Variants in GLIS3 observed in about 807,000 individuals in gnomAD.
The protein encoded by GLIS3 is GLIS family zinc finger 3.
In GLIS3, 53 loss-of-function variants were observed where a neutral mutation model predicts 78.6. The ratio of observed to expected loss-of-function variants is 0.67; its 90% CI spans 0.54 to 0.85. The LOEUF is 0.85. Ranked by LOEUF, GLIS3 falls within the 40% of genes least tolerant of loss-of-function variation. The probability of loss-of-function intolerance (pLI) is 0.00; values close to 1 mark genes in which losing one functional copy is unlikely to be tolerated. For synonymous variants in GLIS3, 684 were observed against 509.9 expected (o/e 1.34, Z -4.60); for missense variants, 1,703 against 1,231.1 (o/e 1.38, Z -5.74).
At chr9:4,288,183 G>C (rs951328080) in intron 1 of GLIS3, among the ~76,000 whole-genome samples, 4 of 152,124 alleles carry the variant, frequency 2.6e-5, no homozygotes, top group African/African-American at 9.7e-5. Flanking sequence ...CCATTCATTG[G>C]TAGATCATGA....
At chr9:4,123,349 C>T (rs558128166) in intron 3 of GLIS3, among the ~76,000 whole-genome samples, 1 of 152,198 alleles carries the variant, frequency 6.6e-6, no homozygotes, top group Admixed American at 6.6e-5. Flanking sequence ...TGAGTTCCTG[C>T]AGTACAGTTT....
At chr9:4,470,117 C>T in the GLIS3 span, among the ~76,000 whole-genome samples, 5 of 151,996 alleles carry the variant, frequency 3.3e-5, no homozygotes, top group African/African-American at 1.2e-4. Context: ...AATTAATAAC[C>T]CACCAACCAA....
intron 4 of GLIS3, among the ~76,000 whole-genome samples, chr9:4,094,605 T>A (rs375813998): frequency 2.0e-5 from 3 of 152,214 alleles, no homozygotes; most frequent in African/African-American, 4.8e-5. Flanking sequence ...ATGAAAGTCA[T>A]AAAACCTGTA....
rs560352130 is a variant in GLIS3, at chr9:4,252,388, T to G, written c.388+33650A>C. 1.5e-3 allele frequency among the ~76,000 whole-genome samples: 225 copies of G among 152,248 alleles called. 1 individual carries two copies. The highest frequency in any genetic ancestry group is 5.1e-3 in the African/African-American group (214 of 41,560). ...TAATCTCTGACATCCTTTCTTCCGC[T>G]TGATCAATTCAGCCACTGATACGTG... On this transcript the variant is annotated intron_variant, in intron 2 of 10. Transcript: ENST00000381971.
the GLIS3 span, among the ~76,000 whole-genome samples, chr9:4,447,123 C>T: frequency 6.6e-6 from 1 of 152,068 alleles, no homozygotes; most frequent in Non-Finnish European, 1.5e-5. Context: ...TCGCAGCTCA[C>T]TGCAGCATCA....
intron 2 of GLIS3, among the ~76,000 whole-genome samples, chr9:4,193,197 G>A (rs1016074811): frequency 6.6e-6 from 1 of 152,200 alleles, no homozygotes; most frequent in Non-Finnish European, 1.5e-5. Context: ...ATGGCCCTAT[G>A]GGCTAAGAAT....
the GLIS3 span, among the ~76,000 whole-genome samples, chr9:4,380,760 C>A: frequency 3.3e-5 from 5 of 152,088 alleles, no homozygotes; most frequent in Admixed American, 1.3e-4. Flanking sequence ...ACGAAAGAAA[C>A]TGGTAGAAAG....
rs1818927849 is a variant in GLIS3 at position 3,977,994 on chromosome 9, ACC to A, written c.1711-40807_1711-40806del. 2.0e-5 allele frequency among the ~76,000 whole-genome samples: 3 copies of A among 152,292 alleles called. No homozygotes were observed. Among genetic ancestry groups the A allele is most frequent in the African/African-American group, 7.2e-5 (3 of 41,554 alleles). On this transcript the variant is annotated intron_variant, in intron 4 of 10. Coordinates refer to ENST00000381971, the MANE Select transcript of GLIS3 (RefSeq NM_001042413.2). This position sits in a 1 kb window ranked among gnomAD's most constrained non-coding sequence, Gnocchi z 4.1. ...CTGGGTGCACCCTCCGCTGCTCCAAACCTGAGAGACAAATGGGAGGTCTTGGT... is the reference window on the plus strand; with the variant it reads ...CTGGGTGCACCCTCCGCTGCTCCAAATGAGAGACAAATGGGAGGTCTTGGT...
At chr9:4,372,118 G>A in the GLIS3 span, among the ~76,000 whole-genome samples, 3 of 152,164 alleles carry the variant, frequency 2.0e-5, no homozygotes, top group Non-Finnish European at 4.4e-5. Context: ...ATGCTGTGAA[G>A]GGTGGCCGAA....
Position 4,319,534 on chromosome 9 carries a change from C to T in GLIS3, n.265-9006G>A, listed in dbSNP as rs936941247. On this transcript the variant is annotated intron_variant and non_coding_transcript_variant, in intron 2 of 4. Coordinates refer to the GLIS3 transcript ENST00000471664. ...TTTTGGTAAAATCCAAATACTAACA[C>T]TTTTTTTTTTCTAGAAACAGGTTCT... is the stretch of plus-strand genomic sequence containing the variant. Among the ~76,000 whole-genome samples the T allele has an allele frequency of 4.0e-5, 6 of 150,578 alleles. No individual in the cohort carries two copies. In the South Asian group the frequency reaches 8.4e-4, roughly 21 times the overall value.
intron 2 of GLIS3, among the ~76,000 whole-genome samples, chr9:4,166,413 G>C (rs749533011): frequency 5.3e-5 from 8 of 152,130 alleles, no homozygotes; most frequent in African/African-American, 1.7e-4. Flanking sequence ...TGGGGGCCTC[G>C]AGCTAATCTT....
chr9:4,427,168 T>C, the GLIS3 span, among the ~76,000 whole-genome samples: 1 of 152,184 alleles, frequency 6.6e-6, no homozygotes, highest in South Asian at 2.1e-4. Context: ...GATGGAACAG[T>C]AAGTTGGATG....
chr9:4,391,577 G>GTA, the GLIS3 span, among the ~76,000 whole-genome samples: 1 of 150,650 alleles, frequency 6.6e-6, no homozygotes, highest in African/African-American at 2.5e-5. Flanking sequence ...GTGTGTGTGT[G>GTA]TTGGGCTCGG....
chr9:4,168,545 T>C lies in GLIS3; in HGVS notation c.389-42604A>G, dbSNP rs536531452. On this transcript the variant is annotated intron_variant, in intron 2 of 10. Coordinates refer to ENST00000381971, the MANE Select transcript of GLIS3 (RefSeq NM_001042413.2). ...TAAAAGCAAGTGGTTTAAAGCTCTT[T>C]AGTTCATGTCTACTAAATTATCCTG... Among the ~76,000 whole-genome samples, 5 of 152,342 alleles carry C rather than the reference T, an allele frequency of 3.3e-5. No individual in the cohort carries two copies. In the South Asian group the frequency reaches 1.0e-3, roughly 32 times the overall value.
At chr9:4,228,847 ATC>A (rs1050630117) in intron 2 of GLIS3, among the ~76,000 whole-genome samples, 1 of 152,234 alleles carries the variant, frequency 6.6e-6, no homozygotes, top group Non-Finnish European at 1.5e-5. Context: ...CTGCTCTGTT[ATC>A]TCTCTGAGTA....
chr9:4,408,796 T>C, the GLIS3 span, among the ~76,000 whole-genome samples: 1 of 151,462 alleles, frequency 6.6e-6, no homozygotes, highest in Non-Finnish European at 1.5e-5. Context: ...ACAGGGGGAT[T>C]ATAGTCAATA....
At chr9:4,354,663 C>G in the GLIS3 span, among the ~76,000 whole-genome samples, 1 of 152,174 alleles carries the variant, frequency 6.6e-6, no homozygotes, top group Non-Finnish European at 1.5e-5. Context: ...TCACTGCGGT[C>G]CTGGGATCAG....
chr9:4,439,588 C>G, the GLIS3 span, among the ~76,000 whole-genome samples: 3 of 152,136 alleles, frequency 2.0e-5, no homozygotes, highest in Admixed American at 2.0e-4. Flanking sequence ...CATAACCACC[C>G]CAGTTTCTGG....
At chr9:4,268,847 G>A (rs536832034) in intron 2 of GLIS3, among the ~76,000 whole-genome samples, 3 of 152,224 alleles carry the variant, frequency 2.0e-5, no homozygotes, top group African/African-American at 7.2e-5. Flanking sequence ...TCTAGGTTCT[G>A]GTATCTCCCA....
Sources: allele counts gnomAD v4.1 joint callset (sites outside exome capture counted in the v4.1 genomes callset), GRCh38; gene constraint gnomAD v4.1.1; non-coding constraint Gnocchi (gnomAD v3.1); transcripts MANE v1.5; gene names NCBI Gene and HGNC (gene_info 2026-07-23, HGNC 2026-07-21).